The following GRIA2 variants were observed in gnomAD, a reference collection of about 807,000 sequenced individuals.
The protein encoded by GRIA2 is glutamate ionotropic receptor AMPA type subunit 2.
Under a neutral mutation model 97.3 loss-of-function variants are expected in GRIA2, and 14 were observed. That is an observed-to-expected ratio of 0.14 (90% confidence interval 0.10 to 0.23). The LOEUF is 0.23. Among genes scored for constraint, GRIA2 ranks in the 10% least tolerant of loss-of-function variants. GRIA2 has a pLI of 1.00. For missense variants in GRIA2, 558 were observed against 1,069.8 expected, an observed-to-expected ratio of 0.52 and a Z score of 6.67; for synonymous variants, 412 against 387.8, an observed-to-expected ratio of 1.06 and a Z score of -0.73.
intron 2 of GRIA2, among the ~76,000 whole-genome samples, chr4:157,233,478 C>T (rs1300615240): frequency 1.3e-5 from 2 of 151,986 alleles, no homozygotes; most frequent in Non-Finnish European, 2.9e-5. Flanking sequence ...AAATGAAAAT[C>T]AGCCAAGCAA....
At chr4:157,293,828 C>T (rs933825279) in intron 2 of GRIA2, among the ~76,000 whole-genome samples, 2 of 152,048 alleles carry the variant, frequency 1.3e-5, no homozygotes, top group African/African-American at 2.4e-5. Context: ...GATCCCTTAA[C>T]AAGCATGAAG....
intron 2 of GRIA2, among the ~76,000 whole-genome samples, chr4:157,266,157 T>C (rs1048349247): frequency 6.6e-6 from 1 of 152,110 alleles, no homozygotes; most frequent in Non-Finnish European, 1.5e-5. Flanking sequence ...TAGAGCTATT[T>C]ATTGAACTTA....
chr4:157,317,418 T>C (rs180929121), intron 4 of GRIA2, among the ~76,000 whole-genome samples: 2 of 152,304 alleles, frequency 1.3e-5, no homozygotes, highest in East Asian at 1.9e-4. Context: ...TAATAATTTT[T>C]GTTTAGTGAC....
chr4:157,317,877 G>T (rs1462661924), intron 5 of GRIA2, among the ~76,000 whole-genome samples, 166 bp downstream of exon 5: 1 of 152,136 alleles, frequency 6.6e-6, no homozygotes, highest in Non-Finnish European at 1.5e-5. Context: ...TTGGGAGGCT[G>T]AGGCAGGAAA....
chr4:157,360,807 T>G lies in GRIA2; in HGVS notation c.2292-203T>G. 4 of 642,684 alleles carry G rather than the reference T, an allele frequency of 6.2e-6. No homozygotes were observed. The South Asian group carries it at 6.3e-5, about 10-fold the overall frequency. The allele number at this position is 642,684 out of a possible 1,614,324, so 39.8% of individuals were successfully genotyped here. A position where few individuals can be genotyped will look rare whatever the true frequency, so the allele number is the denominator to read the frequency against. ...CATATTAGCACTCTTTCCTTTATTT[T>G]CTTTTTGTTATGCTCTACCACCTTA... is the stretch of plus-strand genomic sequence containing the variant. On this transcript the variant is annotated intron_variant, in intron 13 of 15. Transcript: ENST00000264426.
At chr4:157,292,321 G>A (rs1437049272) in intron 2 of GRIA2, among the ~76,000 whole-genome samples, 1 of 151,968 alleles carries the variant, frequency 6.6e-6, no homozygotes, top group Non-Finnish European at 1.5e-5. Context: ...TACATTAAAA[G>A]CATTGGGAAA....
chr4:157,325,457 A>G (rs1174744229), intron 6 of GRIA2, among the ~76,000 whole-genome samples: 1 of 152,172 alleles, frequency 6.6e-6, no homozygotes, highest in Non-Finnish European at 1.5e-5. Context: ...ACTCCACAGC[A>G]GGCACTGTTC....
chr4:157,244,136 T>A (rs79872758), intron 2 of GRIA2, among the ~76,000 whole-genome samples: 7,880 of 151,908 alleles, frequency 0.052, 290 homozygotes, highest in Non-Finnish European at 0.081. Flanking sequence ...AGAGCATCCC[T>A]GGTAGAGGGA....
intron 2 of GRIA2, among the ~76,000 whole-genome samples, chr4:157,228,324 C>T (rs1472574313): frequency 1.3e-5 from 2 of 152,064 alleles, no homozygotes; most frequent in African/African-American, 4.8e-5. Flanking sequence ...TCCTTGAATC[C>T]TATTTAGACA....
chr4:157,297,820 TGAAA>T (rs1733419495), intron 2 of GRIA2, among the ~76,000 whole-genome samples: 1 of 152,062 alleles, frequency 6.6e-6, no homozygotes, highest in African/African-American at 2.4e-5. Context: ...CATGAGTTCA[TGAAA>T]GAATTGAATA....
intron 2 of GRIA2, among the ~76,000 whole-genome samples, chr4:157,242,607 T>A (rs1730557676): frequency 6.6e-6 from 1 of 152,086 alleles, no homozygotes; most frequent in Admixed American, 6.6e-5. Flanking sequence ...GAATCTATAG[T>A]TGATTTTCAT....
intron 2 of GRIA2, among the ~76,000 whole-genome samples, chr4:157,299,902 T>C (rs1733537730): frequency 6.6e-6 from 1 of 152,196 alleles, no homozygotes; most frequent in African/African-American, 2.4e-5. Flanking sequence ...GGACTATCAT[T>C]GAGAAACTTA....
At chr4:157,318,232 G>C (rs1311909167) in intron 5 of GRIA2, among the ~76,000 whole-genome samples, 1 of 151,864 alleles carries the variant, frequency 6.6e-6, no homozygotes, top group African/African-American at 2.4e-5. Flanking sequence ...GTTTTTCACT[G>C]TCTCTATTTT....
Position 157,277,732 on chromosome 4 carries a change from T to C in GRIA2, c.230-25820T>C, listed in dbSNP as rs541472760. Among the ~76,000 whole-genome samples, 473 of 150,550 alleles carry C rather than the reference T, an allele frequency of 3.1e-3. 2 individuals are homozygous for C. The highest frequency in any genetic ancestry group is 0.011 in the African/African-American group (461 of 41,138). On this transcript the variant is annotated intron_variant, in intron 2 of 15. Transcript: ENST00000264426. ...TCAGTTGCTTTTCTATACAACAACA[T>C]TGAACCAGAAGAATTTGCAATTAAA... is the stretch of plus-strand genomic sequence containing the variant.
In GRIA2 at chr4:157,361,553, T is replaced by G; in HGVS notation, c.2406+429T>G. On this transcript the variant is annotated intron_variant, in intron 14 of 15. Transcript: ENST00000264426. This position sits in a 1 kb window ranked among gnomAD's most constrained non-coding sequence, Gnocchi z 5.2. ...CCACGTGAAGAACCCCAGTAAATCT[T>G]GCAGTATTGAAACTCAGTGAGCAAG... 6.2e-7 allele frequency: 1 copy of G among 1,601,318 alleles called. No individual in the cohort carries two copies. The highest frequency in any genetic ancestry group is 1.1e-5 in the South Asian group (1 of 90,776).
intron 2 of GRIA2, among the ~76,000 whole-genome samples, chr4:157,259,654 ATCC>A (rs1302398944): frequency 6.6e-6 from 1 of 152,016 alleles, no homozygotes; most frequent in Non-Finnish European, 1.5e-5. Context: ...GTTCTATATA[ATCC>A]TCCTTCCTGT....
intron 2 of GRIA2, among the ~76,000 whole-genome samples, chr4:157,297,690 A>G (rs191135317): frequency 6.9e-4 from 105 of 152,306 alleles, no homozygotes; most frequent in African/African-American, 2.3e-3. Context: ...TCTTGAAAAC[A>G]GAATAATAAT....
At chr4:157,305,939 G>A (rs552762046) in intron 3 of GRIA2, among the ~76,000 whole-genome samples, 1 of 152,194 alleles carries the variant, frequency 6.6e-6, no homozygotes, top group South Asian at 2.1e-4. Context: ...CAGTGTACTA[G>A]ATATTCAGCT....
chr4:157,236,845 TG>T (rs1296181158), intron 2 of GRIA2, among the ~76,000 whole-genome samples: 3 of 152,148 alleles, frequency 2.0e-5, no homozygotes, highest in Non-Finnish European at 4.4e-5. Flanking sequence ...GGTCTATTTA[TG>T]GGTGAGTCTA....
Sources: allele counts gnomAD v4.1 joint callset (sites outside exome capture counted in the v4.1 genomes callset), GRCh38; gene constraint gnomAD v4.1.1; non-coding constraint Gnocchi (gnomAD v3.1); transcripts MANE v1.5; gene names NCBI Gene and HGNC (gene_info 2026-07-23, HGNC 2026-07-21).